AGBL4: variants seen among roughly 807,000 people sequenced by gnomAD.
AGBL4 encodes the protein cytosolic carboxypeptidase 6.
AGBL4 carries 58 observed loss-of-function variants against 66.4 expected under a neutral mutation model. The observed-to-expected ratio is 0.87, with a 90% CI of 0.71 to 1.09. The LOEUF (loss-of-function observed/expected upper bound fraction) is 1.09, where lower values mean the gene tolerates loss of function less well. AGBL4 is among the 50% of genes least tolerant of loss of function. The pLI, the probability that AGBL4 is intolerant of heterozygous loss-of-function variation, is 0.00. For missense variants in AGBL4, 579 were observed against 631.0 expected (o/e 0.92, Z 0.88); for synonymous variants, 234 against 222.9 (o/e 1.05, Z -0.44).
chr1:48,723,352 G>A (rs1647180981), intron 6 of AGBL4, among the ~76,000 whole-genome samples: 1 of 152,202 alleles, frequency 6.6e-6, no homozygotes, highest in Non-Finnish European at 1.5e-5. Context: ...CTTGTGCTTG[G>A]AGGTATTCAA....
At chr1:49,063,378 G>A (rs1356223507) in intron 4 of AGBL4, among the ~76,000 whole-genome samples, 1 of 152,140 alleles carries the variant, frequency 6.6e-6, no homozygotes, top group Non-Finnish European at 1.5e-5. Context: ...CAAAAAACAT[G>A]GCAAAGAGGT....
chr1:49,582,736 G>A (rs1244280829), intron 3 of AGBL4, among the ~76,000 whole-genome samples: 2 of 152,162 alleles, frequency 1.3e-5, no homozygotes, highest in Non-Finnish European at 2.9e-5. Flanking sequence ...GACAGGGGAT[G>A]GGACTCAGGG....
At chr1:49,005,249 A>G (rs370366986) in intron 5 of AGBL4, among the ~76,000 whole-genome samples, 2 of 152,364 alleles carry the variant, frequency 1.3e-5, no homozygotes, top group African/African-American at 4.8e-5. Context: ...AAACTTTTCC[A>G]TACAGTAGTC....
chr1:49,991,128 T>C (rs373547607), intron 1 of AGBL4, among the ~76,000 whole-genome samples: 3 of 152,176 alleles, frequency 2.0e-5, no homozygotes, highest in Non-Finnish European at 4.4e-5. Context: ...TTTAGTAAAC[T>C]ATGTAGCTCC....
chr1:49,986,262 T>C (rs1260430861), intron 1 of AGBL4, among the ~76,000 whole-genome samples: 1 of 152,122 alleles, frequency 6.6e-6, no homozygotes, highest in Non-Finnish European at 1.5e-5. Context: ...AACCCTGTTC[T>C]GACTTCCAAC....
chr1:49,650,080 A>ACAG (rs1645971290), intron 3 of AGBL4, among the ~76,000 whole-genome samples: 2 of 152,198 alleles, frequency 1.3e-5, no homozygotes, highest in African/African-American at 4.8e-5. Flanking sequence ...TTTTAGTAAA[A>ACAG]TATTTGAATC....
chr1:48,931,473 C>T (rs1655028330), intron 5 of AGBL4, among the ~76,000 whole-genome samples: 1 of 151,882 alleles, frequency 6.6e-6, no homozygotes, highest in Admixed American at 6.6e-5. Flanking sequence ...AGCCCTTAAC[C>T]TTCTCTATCT....
At chr1:48,624,289 A>C (rs1645462988) in intron 9 of AGBL4, among the ~76,000 whole-genome samples, 1 of 152,200 alleles carries the variant, frequency 6.6e-6, no homozygotes, top group African/African-American at 2.4e-5. Flanking sequence ...TTGAGACTGC[A>C]ATGAATTTCT....
At chr1:49,087,944 A>G (rs904776348) in intron 4 of AGBL4, among the ~76,000 whole-genome samples, 2 of 152,238 alleles carry the variant, frequency 1.3e-5, no homozygotes, top group Admixed American at 6.5e-5. Context: ...CAACATTCTT[A>G]AAGAAAATAA....
In AGBL4 at chr1:49,509,419, G is replaced by T. The variant is rs182220290; in HGVS notation, c.282+187894C>A. Among the ~76,000 whole-genome samples, 6 of 151,820 alleles carry T rather than the reference G, an allele frequency of 4.0e-5. No individual in the cohort carries two copies. The East Asian group carries it at 1.2e-3, about 30-fold the overall frequency. ...TCCTCAACTTTTAGATACTTGGAAA[G>T]GTAAATAATCTTGCCAAATATTTTT... On this transcript the variant is annotated intron_variant, in intron 3 of 13. Transcript: ENST00000371839.
intron 3 of AGBL4, among the ~76,000 whole-genome samples, chr1:49,516,240 T>C (rs1649812684): frequency 6.6e-6 from 1 of 152,042 alleles, no homozygotes; most frequent in Non-Finnish European, 1.5e-5. Flanking sequence ...CAAATACACA[T>C]GCAATTATAC....
intron 1 of AGBL4, among the ~76,000 whole-genome samples, chr1:49,891,667 C>A (rs1215830644): frequency 1.3e-5 from 2 of 152,132 alleles, no homozygotes; most frequent in East Asian, 3.8e-4. Context: ...GTGGTCTAGG[C>A]TAATGAACTT....
rs537815064 is a variant in AGBL4 at position 49,376,959 on chromosome 1, T to C, written c.283-131095A>G. Among the ~76,000 whole-genome samples the C allele has an allele frequency of 1.1e-3, 163 of 152,276 alleles. 2 individuals are homozygous for C. Among genetic ancestry groups the C allele is most frequent in the Middle Eastern group, 3.4e-3 (1 of 294 alleles). On this transcript the variant is annotated intron_variant, in intron 3 of 13. Coordinates refer to ENST00000371839, the MANE Select transcript of AGBL4 (RefSeq NM_032785.4). Reference sequence around the variant, plus strand: ...CAATAAATGTTTGATGAATGTTTACTTGAAAGTAATAAGTAAGTCTATATT... The same window carrying C: ...CAATAAATGTTTGATGAATGTTTACCTGAAAGTAATAAGTAAGTCTATATT...
chr1:49,402,874 T>A (rs1278949291), intron 3 of AGBL4, among the ~76,000 whole-genome samples: 1 of 152,134 alleles, frequency 6.6e-6, no homozygotes, highest in African/African-American at 2.4e-5. Flanking sequence ...GCCATCAAAT[T>A]TTGAATGTTT....
At chr1:49,264,410 T>C (rs930603984) in intron 3 of AGBL4, among the ~76,000 whole-genome samples, 1 of 152,208 alleles carries the variant, frequency 6.6e-6, no homozygotes, top group African/African-American at 2.4e-5. Context: ...GCCAATATCA[T>C]TTATTGAATA....
chr1:48,727,210 C>A (rs1647335197), intron 6 of AGBL4, among the ~76,000 whole-genome samples: 1 of 152,208 alleles, frequency 6.6e-6, no homozygotes, highest in Non-Finnish European at 1.5e-5. Context: ...ACCCTATACT[C>A]ATCTAACATT....
chr1:49,775,993 G>T (rs1006901169), intron 2 of AGBL4, among the ~76,000 whole-genome samples: 2 of 151,774 alleles, frequency 1.3e-5, no homozygotes, highest in African/African-American at 4.8e-5. Flanking sequence ...ACAGTACTGG[G>T]TGTACAAAGA....
At chr1:49,522,495 T>C (rs1162048260) in intron 3 of AGBL4, among the ~76,000 whole-genome samples, 1 of 152,124 alleles carries the variant, frequency 6.6e-6, no homozygotes, top group Non-Finnish European at 1.5e-5. Context: ...ACCTGCCCTA[T>C]TAGACTATAA....
chr1:48,812,714 TG>T (rs1271578626), intron 6 of AGBL4, among the ~76,000 whole-genome samples: 1 of 152,168 alleles, frequency 6.6e-6, no homozygotes, highest in Non-Finnish European at 1.5e-5. Context: ...CCAACCCAAA[TG>T]TCCAACAATG....
Sources: gnomAD v4.1 joint callset for allele counts (sites outside exome capture counted in the v4.1 genomes callset) on GRCh38, gnomAD v4.1.1 for gene constraint, MANE v1.5 for transcripts, NCBI Gene and HGNC (gene_info 2026-07-23, HGNC 2026-07-21) for gene names.